The following EDIL3 variants were observed in gnomAD, a reference collection of about 807,000 sequenced individuals.
EDIL3 encodes EGF like and discoidin domains 3, also known as EGF-like repeat and discoidin I-like domain-containing protein 3.
EDIL3 carries 37 observed loss-of-function variants against 67.4 expected under a neutral mutation model. The ratio of observed to expected loss-of-function variants is 0.55; its 90% CI spans 0.42 to 0.72. The LOEUF (loss-of-function observed/expected upper bound fraction) is 0.72, where lower values mean the gene tolerates loss of function less well. Among genes scored for constraint, EDIL3 ranks in the 30% least tolerant of loss-of-function variants. The pLI, the probability that EDIL3 is intolerant of heterozygous loss-of-function variation, is 0.00. For missense variants in EDIL3, 527 were observed against 586.3 expected (o/e 0.90, Z 1.04); for synonymous variants, 195 against 196.3 (o/e 0.99, Z 0.05).
At chr5:84,334,947 A>T (rs890679856) in intron 1 of EDIL3, among the ~76,000 whole-genome samples, 7 of 152,296 alleles carry the variant, frequency 4.6e-5, no homozygotes, top group Admixed American at 1.3e-4. Flanking sequence ...GTTAGTAATT[A>T]TGCAATTGTA....
chr5:84,365,298 A>G (rs996659925), intron 1 of EDIL3, among the ~76,000 whole-genome samples: 1 of 152,124 alleles, frequency 6.6e-6, no homozygotes. Context: ...TTTAAAATCC[A>G]GTTCTGTTGC....
At chr5:84,127,249 A>C (rs1293852750) in intron 5 of EDIL3, among the ~76,000 whole-genome samples, 4 of 151,898 alleles carry the variant, frequency 2.6e-5, no homozygotes, top group African/African-American at 9.7e-5. Context: ...TTAGTATTGG[A>C]TTTACTGACT....
intron 3 of EDIL3, among the ~76,000 whole-genome samples, chr5:84,196,161 C>T (rs1002854685): frequency 6.6e-6 from 1 of 151,904 alleles, no homozygotes; most frequent in Non-Finnish European, 1.5e-5. Flanking sequence ...GATGAATATA[C>T]ACAATAAATG....
At chr5:84,027,350 A>G (rs694890) in intron 9 of EDIL3, among the ~76,000 whole-genome samples, 1,743 of 152,238 alleles carry the variant, frequency 0.011, 18 homozygotes, top group Middle Eastern at 0.037. Flanking sequence ...AGTGTTCAAA[A>G]CATTTGAGTT....
intron 6 of EDIL3, among the ~76,000 whole-genome samples, chr5:84,076,851 C>T (rs1242607019): frequency 1.3e-5 from 2 of 152,050 alleles, no homozygotes; most frequent in African/African-American, 4.8e-5. Context: ...TTGAAGTAAA[C>T]ATGATACAAA....
At chr5:84,207,208 C>T (rs1744000927) in intron 3 of EDIL3, among the ~76,000 whole-genome samples, 2 of 152,154 alleles carry the variant, frequency 1.3e-5, no homozygotes, top group South Asian at 4.1e-4. Flanking sequence ...TCTCAGAATA[C>T]AAAATCAAAG....
chr5:84,018,272 C>T (rs1290737388), intron 9 of EDIL3, among the ~76,000 whole-genome samples: 1 of 152,158 alleles, frequency 6.6e-6, no homozygotes, highest in Non-Finnish European at 1.5e-5. Flanking sequence ...TTCTCTGCAA[C>T]TTTTGTCTCA....
intron 6 of EDIL3, among the ~76,000 whole-genome samples, chr5:84,068,689 C>A (rs536739797): frequency 6.6e-6 from 1 of 151,998 alleles, no homozygotes; most frequent in Non-Finnish European, 1.5e-5. Flanking sequence ...CCATTAAACA[C>A]AAAATTAAAA....
chr5:84,321,853 A>C (rs1004954252), intron 1 of EDIL3, among the ~76,000 whole-genome samples: 3 of 152,064 alleles, frequency 2.0e-5, no homozygotes, highest in African/African-American at 7.2e-5. Context: ...TCCATTCCTC[A>C]TTTCTCATTT....
At chr5:84,096,094 G>T (rs1044682649) in intron 6 of EDIL3, among the ~76,000 whole-genome samples, 7 of 152,218 alleles carry the variant, frequency 4.6e-5, no homozygotes, top group African/African-American at 1.7e-4. Context: ...GAAGTTTGCT[G>T]CAGGGGTGAG....
At chr5:84,255,391 C>T (rs4499810) in intron 1 of EDIL3, among the ~76,000 whole-genome samples, 122,891 of 152,094 alleles carry the variant, frequency 0.81, 50,034 homozygotes, top group East Asian at 0.95. Flanking sequence ...AAGGCTGACA[C>T]ACCCAAAGTA....
At chr5:83,968,724 T>C (rs1399012061) in intron 9 of EDIL3, among the ~76,000 whole-genome samples, 1 of 152,022 alleles carries the variant, frequency 6.6e-6, no homozygotes, top group Non-Finnish European at 1.5e-5. Flanking sequence ...CAGTGCCATA[T>C]GTCAATCTGA....
At chr5:84,344,477 T>G (rs906600507) in intron 1 of EDIL3, among the ~76,000 whole-genome samples, 5 of 152,042 alleles carry the variant, frequency 3.3e-5, no homozygotes, top group African/African-American at 7.2e-5. Flanking sequence ...TTGGAAGAAT[T>G]TTAAACACGT....
At chr5:84,287,479 T>C (rs1039214967) in intron 1 of EDIL3, among the ~76,000 whole-genome samples, 1 of 152,140 alleles carries the variant, frequency 6.6e-6, no homozygotes, top group Non-Finnish European at 1.5e-5. Flanking sequence ...CAAATCAGCA[T>C]TTAAATATCT....
intron 10 of EDIL3, among the ~76,000 whole-genome samples, chr5:83,955,243 A>G (rs1167147682): frequency 6.6e-6 from 1 of 151,812 alleles, no homozygotes. Context: ...AAGATTGAGA[A>G]GATAAAAATA....
intron 1 of EDIL3, among the ~76,000 whole-genome samples, chr5:84,287,179 T>A (rs1745824672): frequency 6.6e-6 from 1 of 152,208 alleles, no homozygotes; most frequent in African/African-American, 2.4e-5. Flanking sequence ...AAGCTGTATT[T>A]ATCCACTTGC....
At chr5:84,045,462 A>G (rs1160745225) in intron 9 of EDIL3, among the ~76,000 whole-genome samples, 1 of 152,206 alleles carries the variant, frequency 6.6e-6, no homozygotes. Flanking sequence ...CAATTAGTTC[A>G]GAAGTCAAAA....
intron 6 of EDIL3, among the ~76,000 whole-genome samples, chr5:84,103,577 A>T (rs1747406586): frequency 1.3e-5 from 2 of 152,146 alleles, no homozygotes; most frequent in African/African-American, 4.8e-5. Flanking sequence ...GACAATTTTC[A>T]AAAGAAGACA....
chr5:84,107,090 G>A (rs1226456608), intron 5 of EDIL3, among the ~76,000 whole-genome samples: 1 of 151,972 alleles, frequency 6.6e-6, no homozygotes, highest in Non-Finnish European at 1.5e-5. Flanking sequence ...TTCTGGTTCT[G>A]TACTGATAGC....
Sources: allele counts gnomAD v4.1 joint callset (sites outside exome capture counted in the v4.1 genomes callset), GRCh38; gene constraint gnomAD v4.1.1; transcripts MANE v1.5; gene names NCBI Gene and HGNC (gene_info 2026-07-23, HGNC 2026-07-21).